EYA4: variants seen among roughly 807,000 people sequenced by gnomAD.
EYA4 encodes protein phosphatase EYA4.
In EYA4, 31 loss-of-function variants were observed where a neutral mutation model predicts 87.9. The observed-to-expected ratio is 0.35, with a 90% confidence interval of 0.27 to 0.48. EYA4 has a LOEUF of 0.48. Ranked by LOEUF, EYA4 falls within the 20% of genes least tolerant of loss-of-function variation. The probability of loss-of-function intolerance (pLI) is 0.99; values close to 1 mark genes in which losing one functional copy is unlikely to be tolerated. For synonymous variants in EYA4, 263 were observed against 270.6 expected, an observed-to-expected ratio of 0.97 and a Z score of 0.28; for missense variants, 678 against 761.4, an observed-to-expected ratio of 0.89 and a Z score of 1.29.
intron 3 of EYA4, among the ~76,000 whole-genome samples, chr6:133,400,447 G>A (rs958071486): frequency 6.7e-6 from 1 of 150,134 alleles, no homozygotes; most frequent in Non-Finnish European, 1.5e-5. Flanking sequence ...GGCGGAGGGT[G>A]CAGTGAGCTG....
intron 17 of EYA4, among the ~76,000 whole-genome samples, chr6:133,516,900 C>T (rs1341861032): frequency 2.0e-5 from 3 of 152,096 alleles, no homozygotes; most frequent in African/African-American, 7.2e-5. Context: ...ACCACATTTT[C>T]TTTATCCAGT....
chr6:133,525,004 T>C, intron 18 of EYA4, 150 bp from the exon 19 acceptor site: 1 of 1,610,420 alleles, frequency 6.2e-7, no homozygotes, highest in Non-Finnish European at 8.5e-7. Context: ...AAGCAGTGCA[T>C]TGTTTTTCAG....
At chr6:133,403,989 G>T (rs9385646) in intron 3 of EYA4, among the ~76,000 whole-genome samples, 109,282 of 151,886 alleles carry the variant, frequency 0.72, 42,041 homozygotes, top group East Asian at 0.91. Flanking sequence ...TAATTTTGTA[G>T]TTTTAGTAGA....
intron 2 of EYA4, among the ~76,000 whole-genome samples, chr6:133,351,615 T>C (rs566258458): frequency 6.6e-6 from 1 of 152,300 alleles, no homozygotes; most frequent in South Asian, 2.1e-4. Context: ...CTTCTTTGTT[T>C]CCCTTCTTTC....
intron 2 of EYA4, among the ~76,000 whole-genome samples, chr6:133,294,156 C>A: frequency 6.8e-6 from 1 of 147,418 alleles, no homozygotes; most frequent in South Asian, 2.2e-4. Flanking sequence ...TGATGATGAT[C>A]ATCATCTCAA....
intron 7 of EYA4, 132 bp from the exon 8 acceptor site, chr6:133,462,203 C>G: frequency 1.8e-6 from 2 of 1,100,876 alleles, no homozygotes; most frequent in Non-Finnish European, 1.4e-6. Flanking sequence ...TTGCTTTTTC[C>G]TATATTGTTA....
intron 13 of EYA4, among the ~76,000 whole-genome samples, chr6:133,495,745 C>T (rs980138088): frequency 2.6e-5 from 4 of 152,224 alleles, no homozygotes; most frequent in Admixed American, 2.6e-4. Flanking sequence ...ACCTGCAGGG[C>T]CTGTTGAGCA....
intron 10 of EYA4, among the ~76,000 whole-genome samples, chr6:133,465,334 C>A (rs1794753671): frequency 6.6e-6 from 1 of 152,046 alleles, no homozygotes; most frequent in Non-Finnish European, 1.5e-5. Context: ...CTACTGTTGG[C>A]TTTTAAATAA....
At chr6:133,419,410 G>T (rs1420724677) in intron 3 of EYA4, among the ~76,000 whole-genome samples, 1 of 152,148 alleles carries the variant, frequency 6.6e-6, no homozygotes, top group Non-Finnish European at 1.5e-5. Context: ...GACACGTCTT[G>T]TCTGTTTGTC....
At chr6:133,267,740 T>C (rs981246974) in intron 1 of EYA4, among the ~76,000 whole-genome samples, 1 of 152,182 alleles carries the variant, frequency 6.6e-6, no homozygotes, top group Non-Finnish European at 1.5e-5. Flanking sequence ...CAACTGACCA[T>C]GATTTGTTTA....
chr6:133,370,305 G>C (rs926113678), intron 2 of EYA4, among the ~76,000 whole-genome samples: 3 of 152,180 alleles, frequency 2.0e-5, no homozygotes, highest in Non-Finnish European at 4.4e-5. Context: ...TTAGCTTTTG[G>C]TTGAAGCGTT....
rs538205790 is a variant in EYA4, at chr6:133,435,882, C to G, written c.84-10748C>G. ...ACAAACATGTGTGCACACACACACA[C>G]CCCCCCTCACTCATTTGGGAGATCT... is the stretch of plus-strand genomic sequence containing the variant. On this transcript the variant is annotated intron_variant, in intron 3 of 19. Transcript: ENST00000355286. Among the ~76,000 whole-genome samples, 8 of 151,688 alleles carry G rather than the reference C, an allele frequency of 5.3e-5. No homozygotes were observed. In the East Asian group the frequency reaches 1.6e-3, roughly 30 times the overall value.
chr6:133,525,314 T>A (rs1562520602), intron 19 of EYA4, 60 bp downstream of exon 19: 1 of 1,444,062 alleles, frequency 6.9e-7, no homozygotes, highest in Non-Finnish European at 9.7e-7. Context: ...TTGTTTGCAT[T>A]TCTGTAGTTT....
chr6:133,496,935 T>G (rs1482597249), intron 13 of EYA4, among the ~76,000 whole-genome samples: 1 of 152,180 alleles, frequency 6.6e-6, no homozygotes, highest in Non-Finnish European at 1.5e-5. Context: ...GCTGCACCTA[T>G]GAAGACCAGA....
chr6:133,291,528 C>T lies in EYA4; in HGVS notation c.33+16715C>T, dbSNP rs534644146. ...TAACTACATATATAGGCCATAGTTTCGTTATGGTGCTCAGTAATGAAAAAT... is the reference window on the plus strand; with the variant it reads ...TAACTACATATATAGGCCATAGTTTTGTTATGGTGCTCAGTAATGAAAAAT... On this transcript the variant is annotated intron_variant, in intron 2 of 19. Transcript: ENST00000355286. Among the ~76,000 whole-genome samples the T allele has an allele frequency of 3.6e-4, 55 of 152,136 alleles. 1 individual carries two copies. The highest frequency in any genetic ancestry group is 3.2e-3 in the Admixed American group (49 of 15,268).
chr6:133,326,792 C>T (rs1781534097), intron 2 of EYA4, among the ~76,000 whole-genome samples: 1 of 152,204 alleles, frequency 6.6e-6, no homozygotes, highest in South Asian at 2.1e-4. Context: ...AGATTGCCAT[C>T]AACTGACTCT....
chr6:133,521,197 A>C (rs908478860), intron 17 of EYA4, among the ~76,000 whole-genome samples: 1 of 151,990 alleles, frequency 6.6e-6, no homozygotes, highest in African/African-American at 2.4e-5. Flanking sequence ...ATGGGAGAAA[A>C]TTTTCGCAAC....
At chr6:133,294,259 T>C (rs1778768181) in intron 2 of EYA4, among the ~76,000 whole-genome samples, 2 of 150,686 alleles carry the variant, frequency 1.3e-5, no homozygotes, top group African/African-American at 4.9e-5. Flanking sequence ...GTACTCGAAA[T>C]AACTACATAG....
intron 3 of EYA4, among the ~76,000 whole-genome samples, chr6:133,415,091 G>A (rs979463989): frequency 6.6e-6 from 1 of 152,132 alleles, no homozygotes; most frequent in African/African-American, 2.4e-5. Flanking sequence ...AGTTCACAAA[G>A]CTAGTCACAT....
Sources: gnomAD v4.1 joint callset for allele counts (sites outside exome capture counted in the v4.1 genomes callset) on GRCh38, gnomAD v4.1.1 for gene constraint, MANE v1.5 for transcripts, NCBI Gene and HGNC (gene_info 2026-07-23, HGNC 2026-07-21) for gene names.